The following NADK variants were observed in gnomAD, a reference collection of about 807,000 sequenced individuals.
NADK encodes poly(P)/ATP NAD kinase.
In NADK, 22 loss-of-function variants were observed where a neutral mutation model predicts 49.8. The observed-to-expected ratio is 0.44, with a 90% CI of 0.32 to 0.63. NADK has a LOEUF of 0.63. Ranked by LOEUF, NADK falls within the 30% of genes least tolerant of loss-of-function variation. The pLI, the probability that NADK is intolerant of heterozygous loss-of-function variation, is 0.06. For missense variants in NADK, 438 were observed against 609.4 expected (o/e 0.72, Z 2.96); for synonymous variants, 268 against 253.7 (o/e 1.06, Z -0.54).
chr1:1,779,445 C>A (rs1198772162), upstream of NADK, among the ~76,000 whole-genome samples: 1 of 152,178 alleles, frequency 6.6e-6, no homozygotes, highest in Non-Finnish European at 1.5e-5. Context: ...AATGCACGAC[C>A]AGCTGCTCTA....
rs368173376 is a variant in NADK, at chr1:1,753,550, C to A, written c.1184+17G>T. ...GGAGGTTGGCAGGCAGCGCCCAGCC[C>A]GGCATGCAGCCCACACCTGTCTCCA... On this transcript the variant is annotated intron_variant, in intron 11 of 11. Transcript: ENST00000341426. 2.5e-6 allele frequency: 4 copies of A among 1,606,184 alleles called. No homozygotes were observed. Among genetic ancestry groups the A allele is most frequent in the Non-Finnish European group, 3.4e-6 (4 of 1,175,410 alleles).
At position 1,773,711 on chromosome 1, in the gene NADK, T is replaced by TGAGAGA. The variant is rs769092801; in HGVS notation, c.-41+4577_-41+4578insTCTCTC. ...GTGTGTGTGTGTGTGTGTGTGTGTG[T>TGAGAGA]GTGTGTGTGTGTGTGTGTGAGAGAG... On this transcript the variant is annotated intron_variant, in intron 1 of 11. Transcript: ENST00000341426. 6.6e-3 allele frequency among the ~76,000 whole-genome samples: 749 copies of TGAGAGA among 113,672 alleles called. 23 individuals carry two copies. The highest frequency in any genetic ancestry group is 0.024 in the Middle Eastern group (5 of 206). The allele number at this position is 113,672 out of a possible 152,430, so 74.6% of individuals were successfully genotyped here. A position where few individuals can be genotyped will look rare whatever the true frequency, so the allele number is the denominator to read the frequency against.
At chr1:1,761,141 C>T (rs903559071) in intron 3 of NADK, among the ~76,000 whole-genome samples, 26 of 152,146 alleles carry the variant, frequency 1.7e-4, no homozygotes, top group Non-Finnish European at 2.6e-4. Context: ...TATAGGCACG[C>T]GCCACCATGC....
upstream of NADK, chr1:1,780,504 G>A (rs937764407): frequency 1.4e-4 from 21 of 152,256 alleles, no homozygotes; most frequent in African/African-American, 4.8e-4. Flanking sequence ...GAGCTTCCCT[G>A]TTTCAGAGAT....
chr1:1,771,802 A>AT (rs199519336), intron 1 of NADK, among the ~76,000 whole-genome samples: 16,329 of 147,058 alleles, frequency 0.11, 1,446 homozygotes, highest in East Asian at 0.29. Flanking sequence ...AGCACTGGAA[A>AT]TTTTTTTTTT....
At chr1:1,775,617 G>C (rs564415619) in intron 1 of NADK, among the ~76,000 whole-genome samples, 51 of 152,216 alleles carry the variant, frequency 3.4e-4, no homozygotes, top group Non-Finnish European at 7.1e-4. Flanking sequence ...CACCTACTTA[G>C]GGGCAGATGA....
chr1:1,753,687 G>A (rs1242577521), intron 10 of NADK, 38 bp from the exon 11 acceptor site: 5 of 1,553,044 alleles, frequency 3.2e-6, no homozygotes, highest in Middle Eastern at 3.5e-4. Context: ...GCCCCCAGCT[G>A]TGGGGAGGAC....
intron 3 of NADK, chr1:1,759,390 ACAGCCTGG>A: frequency 8.1e-7 from 1 of 1,232,026 alleles, no homozygotes; most frequent in Non-Finnish European, 1.1e-6. Context: ...CAGCATGGCC[ACAGCCTGG>A]CCCGCCTGGC....
chr1:1,763,551 A>G (rs887543892), intron 2 of NADK, among the ~76,000 whole-genome samples: 3 of 150,438 alleles, frequency 2.0e-5, no homozygotes, highest in African/African-American at 7.3e-5. Context: ...CTCGGGAGGC[A>G]GAGCTTGCAG....
chr1:1,767,177 G>A (rs1181965406), intron 1 of NADK, among the ~76,000 whole-genome samples: 3 of 151,842 alleles, frequency 2.0e-5, no homozygotes, highest in East Asian at 1.9e-4. Flanking sequence ...TCAGCATCCC[G>A]AAGTGCTGGG....
Position 1,754,986 on chromosome 1 carries a change from T to C in NADK, c.689-288A>G. Reference sequence around the variant, plus strand: ...ACGGGTGCGCACCACCACGCCCAGCTAATTTTTGTATTTTTAGTAGAGACG... The same window carrying C: ...ACGGGTGCGCACCACCACGCCCAGCCAATTTTTGTATTTTTAGTAGAGACG... On this transcript the variant is annotated intron_variant, in intron 7 of 11. Transcript: ENST00000341426. This position sits in a 1 kb window ranked among gnomAD's most constrained non-coding sequence, Gnocchi z 4.3. 2.4e-6 allele frequency: 1 copy of C among 416,138 alleles called. No homozygotes were observed. The highest frequency in any genetic ancestry group is 4.3e-6 in the Non-Finnish European group (1 of 231,962). The allele number at this position is 416,138 out of a possible 1,614,324, so 25.8% of individuals were successfully genotyped here.
chr1:1,754,114 C>A lies in NADK; in HGVS notation c.1038G>T (p.Thr346=), dbSNP rs185606691. The change falls in exon 10 of 12, where the codon ACG becomes ACT. Residue 346 remains threonine (T), a synonymous_variant. Coordinates refer to ENST00000341426, the MANE Select transcript of NADK (RefSeq NM_023018.5). The surrounding 1 kb of genome is among the most constrained non-coding windows in gnomAD (Gnocchi z 4.3). ...AGGACAGCGAGTGGGGGCAGATGGG[C>A]GTGATCATGATGGCCGGCACGTTGG... is the stretch of plus-strand genomic sequence containing the variant. ...IHPNVPAIMI[T]PICPHSLSFR... The A allele has an allele frequency of 6.2e-7, 1 of 1,610,326 alleles. No individual in the cohort carries two copies. The highest frequency in any genetic ancestry group is 2.2e-5 in the East Asian group (1 of 44,808).
In NADK at chr1:1,753,954, G is replaced by A. The variant is rs1645420589; in HGVS notation, c.1101+97C>T. Reference sequence around the variant, plus strand: ...GGATGACGAGGCCGCGTCTGAGGCTGGAGCCAGCATGGCAGAGCGGGGTGC... The same window carrying A: ...GGATGACGAGGCCGCGTCTGAGGCTAGAGCCAGCATGGCAGAGCGGGGTGC... On this transcript the variant is annotated intron_variant, in intron 10 of 11. Transcript: ENST00000341426. 9 of 1,443,866 alleles carry A rather than the reference G, an allele frequency of 6.2e-6. No individual in the cohort carries two copies. In the Middle Eastern group the frequency reaches 5.5e-4, roughly 88 times the overall value. The allele number at this position is 1,443,866 out of a possible 1,614,324, so 89.4% of individuals were successfully genotyped here.
rs1645359164 is a variant in NADK at position 1,752,589 on chromosome 1, C to G, written c.*315G>C. On this transcript the variant is annotated 3_prime_UTR_variant, in exon 12 of 12. Coordinates refer to ENST00000341426, the MANE Select transcript of NADK (RefSeq NM_023018.5). ...TCTGACTCCTCTGAATTTCAACCGA[C>G]TGATTTGCGGAAAAATATCCTGGCA... 3.5e-6 allele frequency: 1 copy of G among 282,748 alleles called. No homozygotes were observed. The allele number at this position is 282,748 out of a possible 1,614,324, so 17.5% of individuals were successfully genotyped here. A position where few individuals can be genotyped will look rare whatever the true frequency, so the allele number is the denominator to read the frequency against.
At chr1:1,775,542 C>A (rs1022600861) in intron 1 of NADK, among the ~76,000 whole-genome samples, 1 of 152,196 alleles carries the variant, frequency 6.6e-6, no homozygotes, top group African/African-American at 2.4e-5. Context: ...CAGGGCTTCA[C>A]CCTGTGACCT....
chr1:1,759,662 C>A, intron 3 of NADK: 1 of 1,480,742 alleles, frequency 6.8e-7, no homozygotes, highest in Non-Finnish European at 9.1e-7. Flanking sequence ...AGACACAGAG[C>A]CCAGAGGGGG....
In NADK at chr1:1,754,804, A is replaced by G; in HGVS notation, c.689-106T>C. On this transcript the variant is annotated intron_variant, in intron 7 of 11. Coordinates refer to ENST00000341426, the MANE Select transcript of NADK (RefSeq NM_023018.5). The surrounding 1 kb of genome is among the most constrained non-coding windows in gnomAD (Gnocchi z 4.3). ...AGTCAGAGGGCTCTTTCTTCTCCCA[A>G]GTTGACACACTTCTGTGCCTTTTTC... 1 of 1,042,162 alleles carries G rather than the reference A, an allele frequency of 9.6e-7. No homozygotes were observed. The highest frequency in any genetic ancestry group is 1.4e-6 in the Non-Finnish European group (1 of 716,782). The allele number at this position is 1,042,162 out of a possible 1,614,324, so 64.6% of individuals were successfully genotyped here.
At chr1:1,758,459 C>T (rs772292871) in intron 3 of NADK, 42 of 1,612,368 alleles carry the variant, frequency 2.6e-5, no homozygotes, top group Non-Finnish European at 3.5e-5. Flanking sequence ...GCGAGGTAGC[C>T]CCTGCCTGCT....
intron 11 of NADK, 34 bp downstream of exon 11, chr1:1,753,533 G>A: frequency 6.3e-7 from 1 of 1,586,132 alleles, no homozygotes; most frequent in Non-Finnish European, 8.6e-7. Flanking sequence ...GAGGAGGTTG[G>A]CAGGCAGCGC....
Sources: gnomAD v4.1 joint callset for allele counts (sites outside exome capture counted in the v4.1 genomes callset) on GRCh38, gnomAD v4.1.1 for gene constraint, Gnocchi (gnomAD v3.1) non-coding constraint, MANE v1.5 for transcripts, NCBI Gene and HGNC (gene_info 2026-07-23, HGNC 2026-07-21) for gene names.